ICAM1: variants seen among roughly 807,000 people sequenced by gnomAD.
ICAM1 encodes ICAM-1.
In ICAM1, 28 loss-of-function variants were observed where a neutral mutation model predicts 42.3. That is an observed-to-expected ratio of 0.66 (90% CI 0.49 to 0.91). The LOEUF (loss-of-function observed/expected upper bound fraction) is 0.91, where lower values mean the gene tolerates loss of function less well. Among genes scored for constraint, ICAM1 ranks in the 40% least tolerant of loss-of-function variants. The probability of loss-of-function intolerance (pLI) is 0.00; values close to 1 mark genes in which losing one functional copy is unlikely to be tolerated. For missense variants in ICAM1, 637 were observed against 688.6 expected (o/e 0.93, Z 0.84); for synonymous variants, 304 against 305.9 (o/e 0.99, Z 0.07).
At chr19:10,275,679 G>A (rs2040010822) in intron 2 of ICAM1, among the ~76,000 whole-genome samples, 1 of 151,480 alleles carries the variant, frequency 6.6e-6, no homozygotes, top group Admixed American at 6.6e-5. Context: ...ACCAGCCTGG[G>A]CAACAGAGTG....
chr19:10,284,687 A>G lies in ICAM1; in HGVS notation c.1180+30A>G. ...GTGGGGCTGCTGGTCAATGGCCCCT[A>G]TCCCCCAAGGCCCAATCTCCCTGAA... On this transcript the variant is annotated intron_variant, in intron 5 of 6. Transcript: ENST00000264832. This position sits in a 1 kb window ranked among gnomAD's most constrained non-coding sequence, Gnocchi z 5.4. 6.2e-7 allele frequency: 1 copy of G among 1,613,270 alleles called. No homozygotes were observed. Among genetic ancestry groups the G allele is most frequent in the Non-Finnish European group, 8.5e-7 (1 of 1,179,590 alleles).
In ICAM1 at chr19:10,280,441, G is replaced by A. The variant is rs80181547; in HGVS notation, c.332-3040G>A. Among the ~76,000 whole-genome samples the A allele has an allele frequency of 4.1e-3, 612 of 151,110 alleles. 17 individuals carry two copies. In the East Asian group the frequency reaches 0.063, roughly 15 times the overall value. On this transcript the variant is annotated intron_variant, in intron 2 of 6. Coordinates refer to ENST00000264832, the MANE Select transcript of ICAM1 (RefSeq NM_000201.3). ...CAGGCTGGAGTGCAGTGGTACAATC[G>A]TAGCTGACTGCAGCCTCAAACTCCC...
rs1342679723 is a variant in ICAM1 at position 10,286,491 on chromosome 19, G to C, written c.*1204G>C. Reference sequence around the variant, plus strand: ...TCCTCCCACCTCAGCCTCCTGAGTAGCTGGGACCATAGGCTCACAACACCA... The same window carrying C: ...TCCTCCCACCTCAGCCTCCTGAGTACCTGGGACCATAGGCTCACAACACCA... On this transcript the variant is annotated 3_prime_UTR_variant, in exon 7 of 7. Transcript: ENST00000264832. 6.5e-6 allele frequency: 1 copy of C among 153,290 alleles called. No homozygotes were observed. The highest frequency in any genetic ancestry group is 1.9e-4 in the East Asian group (1 of 5,298). The allele number at this position is 153,290 out of a possible 1,614,324, so 9.5% of individuals were successfully genotyped here.
In ICAM1 at chr19:10,284,356, G is replaced by A; in HGVS notation, c.925+36G>A. On this transcript the variant is annotated intron_variant, in intron 4 of 6. Coordinates refer to ENST00000264832, the MANE Select transcript of ICAM1 (RefSeq NM_000201.3). The surrounding 1 kb of genome is among the most constrained non-coding windows in gnomAD (Gnocchi z 5.4). ...GCAGGGGCGGAGTGGGGCTTCTTGG[G>A]GGTGTGACCTGAACCCGGGGCGGGG... is the stretch of plus-strand genomic sequence containing the variant. 1 of 1,611,640 alleles carries A rather than the reference G, an allele frequency of 6.2e-7. No individual in the cohort carries two copies. The highest frequency in any genetic ancestry group is 2.2e-5 in the East Asian group (1 of 44,866).
intron 2 of ICAM1, among the ~76,000 whole-genome samples, chr19:10,277,852 A>C (rs760249940): frequency 1.3e-5 from 2 of 152,162 alleles, no homozygotes; most frequent in Non-Finnish European, 2.9e-5. Flanking sequence ...TATCAAGGCC[A>C]AAATAAGGAA....
At chr19:10,275,090 A>C in intron 2 of ICAM1, 62 bp downstream of exon 2, 9 of 1,519,140 alleles carry the variant, frequency 5.9e-6, no homozygotes, top group South Asian at 1.2e-5. Flanking sequence ...GTGCAGGGGC[A>C]CCTGCAGAGG....
At position 10,286,505 on chromosome 19, in the gene ICAM1, C is replaced by T. The variant is rs187878298; in HGVS notation, c.*1218C>T. The T allele has an allele frequency of 1.3e-5, 2 of 154,122 alleles. No individual in the cohort carries two copies. The allele number at this position is 154,122 out of a possible 1,614,324, so 9.5% of individuals were successfully genotyped here. ...CCTCCTGAGTAGCTGGGACCATAGGCTCACAACACCACACCTGGCAAATTT... is the reference window on the plus strand; with the variant it reads ...CCTCCTGAGTAGCTGGGACCATAGGTTCACAACACCACACCTGGCAAATTT... On this transcript the variant is annotated 3_prime_UTR_variant, in exon 7 of 7. Transcript: ENST00000264832.
chr19:10,283,602 C>T lies in ICAM1; in HGVS notation c.453C>T (p.Leu151=). 2 of 1,613,962 alleles carry T rather than the reference C, an allele frequency of 1.2e-6. No homozygotes were observed. The highest frequency in any genetic ancestry group is 1.7e-6 in the Non-Finnish European group (2 of 1,179,986). Residue 151 remains leucine (L), a synonymous_variant, in exon 3 of 7, where the codon CTC becomes CTT. Transcript: ENST00000264832. The part of the protein sequence containing the change: ...APRANLTVVL[L]RGEKELKREP... ...GGGCCAACCTCACCGTGGTGCTGCT[C>T]CGTGGGGAGAAGGAGCTGAAACGGG...
chr19:10,275,236 T>C (rs2040008289), intron 2 of ICAM1, among the ~76,000 whole-genome samples: 1 of 152,216 alleles, frequency 6.6e-6, no homozygotes, highest in Non-Finnish European at 1.5e-5. Flanking sequence ...GTGCGGTGGC[T>C]CATGCCTGTA....
In ICAM1 at chr19:10,271,125, C is replaced by G. The variant is rs753538053; in HGVS notation, c.-35C>G. The G allele has an allele frequency of 1.1e-4, 182 of 1,586,884 alleles. No individual in the cohort carries two copies. The highest frequency in any genetic ancestry group is 1.5e-4 in the Non-Finnish European group (176 of 1,160,972). ...CACGCGCCCCAGTCGACGCTGAGCT[C>G]CTCTGCTACTCAGAGTTGCAACCTC... On this transcript the variant is annotated 5_prime_UTR_variant, in exon 1 of 7. Coordinates refer to ENST00000264832, the MANE Select transcript of ICAM1 (RefSeq NM_000201.3).
Position 10,283,668 on chromosome 19 carries a change from G to T in ICAM1, c.519G>T (p.Val173=). The T allele has an allele frequency of 6.2e-7, 1 of 1,613,968 alleles. No homozygotes were observed. Among genetic ancestry groups the T allele is most frequent in the Non-Finnish European group, 8.5e-7 (1 of 1,179,934 alleles). The change falls in exon 3 of 7, where the codon GTG becomes GTT. Residue 173 remains valine, a synonymous_variant. Transcript: ENST00000264832. ...VGEPAEVTTT[V]LVRRDHHGAN... ...AGCCCGCTGAGGTCACGACCACGGT[G>T]CTGGTGAGGAGAGATCACCATGGAG...
chr19:10,285,391 G>A lies in ICAM1; in HGVS notation c.*104G>A. 1.8e-6 allele frequency: 2 copies of A among 1,099,338 alleles called. No homozygotes were observed. Among genetic ancestry groups the A allele is most frequent in the Non-Finnish European group, 1.3e-6 (1 of 766,386 alleles). The allele number at this position is 1,099,338 out of a possible 1,614,324, so 68.1% of individuals were successfully genotyped here. A position where few individuals can be genotyped will look rare whatever the true frequency, so the allele number is the denominator to read the frequency against. ...ATATGCCATGCAGCTACACCTACCG[G>A]CCCTGGGACGCCGGAGGACAGGGCA... On this transcript the variant is annotated 3_prime_UTR_variant, in exon 7 of 7. Transcript: ENST00000264832.
At position 10,286,563 on chromosome 19, in the gene ICAM1, G is replaced by A. The variant is rs532295462; in HGVS notation, c.*1276G>A. ...TTTTTTTTTCCAGAGACGGGGTCTC[G>A]CAACATTGCCCAGACTTCCTTTGTG... On this transcript the variant is annotated 3_prime_UTR_variant, in exon 7 of 7. Transcript: ENST00000264832. 1.2e-5 allele frequency: 2 copies of A among 167,352 alleles called. No homozygotes were observed. The highest frequency in any genetic ancestry group is 2.5e-5 in the Non-Finnish European group (2 of 79,196). 10.4% of individuals were successfully genotyped at this position (167,352 alleles called of 1,614,324 possible).
rs1379464546 is a variant in ICAM1 at position 10,284,086 on chromosome 19, A to G, written c.691A>G (p.Thr231Ala). 6.2e-7 allele frequency: 1 copy of G among 1,613,886 alleles called. No individual in the cohort carries two copies. Among genetic ancestry groups the G allele is most frequent in the Non-Finnish European group, 8.5e-7 (1 of 1,179,972 alleles). The change falls in exon 4 of 7, where the codon ACG becomes GCG. Residue 231 changes from threonine (T) to alanine (A), a missense_variant. Coordinates refer to ENST00000264832, the MANE Select transcript of ICAM1 (RefSeq NM_000201.3). The surrounding 1 kb of genome is among the most constrained non-coding windows in gnomAD (Gnocchi z 5.4). ...CAGCCCCCGGGTCCTAGAGGTGGACACGCAGGGGACCGTGGTCTGTTCCCT... is the reference window on the plus strand; with the variant it reads ...CAGCCCCCGGGTCCTAGAGGTGGACGCGCAGGGGACCGTGGTCTGTTCCCT... ...LVSPRVLEVD[T>A]QGTVVCSLDG... is the part of the protein sequence containing the mutation.
chr19:10,277,713 C>T (rs1485386164), intron 2 of ICAM1, among the ~76,000 whole-genome samples: 7 of 148,184 alleles, frequency 4.7e-5, no homozygotes, highest in Admixed American at 4.1e-4. Flanking sequence ...GTCTTGATCT[C>T]CTGACCTTGT....
At chr19:10,279,783 C>G (rs940705742) in intron 2 of ICAM1, among the ~76,000 whole-genome samples, 2 of 151,638 alleles carry the variant, frequency 1.3e-5, no homozygotes, top group African/African-American at 4.9e-5. Flanking sequence ...TGAGCCTGGT[C>G]AAGCCCAGGA....
intron 1 of ICAM1, among the ~76,000 whole-genome samples, chr19:10,272,214 G>T (rs189710972): frequency 1.4e-4 from 22 of 152,322 alleles, no homozygotes; most frequent in Non-Finnish European, 3.1e-4. Context: ...AAGCCCACGA[G>T]GCTGAGGTTG....
At position 10,271,303 on chromosome 19, in the gene ICAM1, A is replaced by G; in HGVS notation, c.67+77A>G. The G allele has an allele frequency of 3.1e-6, 4 of 1,273,490 alleles. No homozygotes were observed. In the South Asian group the frequency reaches 3.9e-5, roughly 12 times the overall value. The allele number at this position is 1,273,490 out of a possible 1,614,324, so 78.9% of individuals were successfully genotyped here. A position where few individuals can be genotyped will look rare whatever the true frequency, so the allele number is the denominator to read the frequency against. On this transcript the variant is annotated intron_variant, in intron 1 of 6. Transcript: ENST00000264832. ...GACCGGCTCCCGGGTCAGGTCATGC[A>G]TGCTTAGGTAGCTGTTTATGGGAAG...
chr19:10,273,476 G>A (rs1599263728), intron 1 of ICAM1, among the ~76,000 whole-genome samples: 1 of 147,942 alleles, frequency 6.8e-6, no homozygotes, highest in African/African-American at 2.5e-5. Flanking sequence ...TGGGCAACAA[G>A]AGCTAAACTC....
Sources: allele counts gnomAD v4.1 joint callset (sites outside exome capture counted in the v4.1 genomes callset), GRCh38; gene constraint gnomAD v4.1.1; non-coding constraint Gnocchi (gnomAD v3.1); transcripts MANE v1.5; gene names NCBI Gene and HGNC (gene_info 2026-07-23, HGNC 2026-07-21).